Variants in PARVB observed in about 807,000 individuals in gnomAD.
PARVB encodes the protein beta-parvin.
A neutral mutation model predicts 47.0 loss-of-function variants in PARVB; 46 were observed. The observed-to-expected ratio is 0.98, with a 90% CI of 0.77 to 1.25. The LOEUF is 1.25. Ranked by LOEUF, PARVB falls within the 50% of genes most tolerant of loss-of-function variation. PARVB has a pLI of 0.00. For synonymous variants in PARVB, 196 were observed against 196.3 expected, an observed-to-expected ratio of 1.00 and a Z score of 0.01; for missense variants, 473 against 471.6, an observed-to-expected ratio of 1.00 and a Z score of -0.03.
At chr22:44,091,751 T>C (rs544888714) in intron 1 of PARVB, among the ~76,000 whole-genome samples, 140 of 152,358 alleles carry the variant, frequency 9.2e-4, no homozygotes, top group African/African-American at 3.1e-3. Flanking sequence ...ACTCAGTGAC[T>C]GCAGCAGTGC....
chr22:44,028,349 T>C (rs1411623752), intron 1 of PARVB, among the ~76,000 whole-genome samples: 1 of 152,166 alleles, frequency 6.6e-6, no homozygotes, highest in Non-Finnish European at 1.5e-5. Flanking sequence ...TTTTTTTTAC[T>C]GTATCTGTGT....
At chr22:44,038,538 T>C (rs1300314314) in intron 1 of PARVB, among the ~76,000 whole-genome samples, 1 of 152,134 alleles carries the variant, frequency 6.6e-6, no homozygotes, top group African/African-American at 2.4e-5. Flanking sequence ...CCCAGCACTT[T>C]GGAAGGCTGA....
intron 1 of PARVB, among the ~76,000 whole-genome samples, chr22:44,035,640 G>C (rs1447833350): frequency 6.6e-6 from 1 of 151,976 alleles, no homozygotes; most frequent in Non-Finnish European, 1.5e-5. Flanking sequence ...CAAAGTGCTG[G>C]GATTACGGGT....
chr22:44,118,519 T>G (rs1395348666), intron 3 of PARVB, among the ~76,000 whole-genome samples: 1 of 152,054 alleles, frequency 6.6e-6, no homozygotes, highest in Non-Finnish European at 1.5e-5. Flanking sequence ...TGGGTTAGGG[T>G]GGGTTGAGAC....
chr22:44,162,339 T>G (rs1436446902), intron 11 of PARVB, among the ~76,000 whole-genome samples: 1 of 149,816 alleles, frequency 6.7e-6, no homozygotes, highest in Non-Finnish European at 1.5e-5. Flanking sequence ...CTTGTTTTTT[T>G]GAGACAGAGT....
At chr22:44,097,490 A>T (rs1384233771) in intron 2 of PARVB, among the ~76,000 whole-genome samples, 1 of 152,224 alleles carries the variant, frequency 6.6e-6, no homozygotes, top group Admixed American at 6.5e-5. Context: ...GAATGCTGAC[A>T]GGCAGCAAGG....
intron 1 of PARVB, among the ~76,000 whole-genome samples, chr22:44,082,434 G>T (rs545920772): frequency 8.2e-4 from 125 of 152,176 alleles, no homozygotes; most frequent in Non-Finnish European, 1.5e-3. Flanking sequence ...CAGGAGAATC[G>T]CTTGAATCTG....
intron 2 of PARVB, among the ~76,000 whole-genome samples, chr22:44,094,502 T>G (rs1290664949): frequency 1.3e-5 from 2 of 152,068 alleles, no homozygotes; most frequent in Admixed American, 6.6e-5. Context: ...TATGTATATA[T>G]TTTTTGAGAT....
chr22:44,060,646 C>T (rs1265216643), intron 1 of PARVB, among the ~76,000 whole-genome samples: 4 of 151,630 alleles, frequency 2.6e-5, no homozygotes, highest in Non-Finnish European at 5.9e-5. Flanking sequence ...CACCCGGGTT[C>T]TTTGGGCACA....
intron 1 of PARVB, among the ~76,000 whole-genome samples, chr22:44,025,673 G>T (rs773939957): frequency 1.3e-5 from 2 of 152,092 alleles, no homozygotes. Flanking sequence ...AGCTTGTATT[G>T]GTCGGTGTTG....
At chr22:44,162,856 A>C (rs1036029534) in intron 11 of PARVB, 1 of 152,222 alleles carries the variant, frequency 6.6e-6, no homozygotes, top group Non-Finnish European at 1.5e-5. Context: ...CTTCAGGTAC[A>C]TTTGGGGGCT....
At chr22:44,042,141 G>T (rs2051030142) in intron 1 of PARVB, among the ~76,000 whole-genome samples, 1 of 152,146 alleles carries the variant, frequency 6.6e-6, no homozygotes, top group Non-Finnish European at 1.5e-5. Context: ...GAAAATCTAG[G>T]CTGGGCGCGG....
intron 1 of PARVB, among the ~76,000 whole-genome samples, chr22:44,038,711 G>A (rs1456866672): frequency 6.6e-6 from 1 of 152,122 alleles, no homozygotes; most frequent in Non-Finnish European, 1.5e-5. Flanking sequence ...GAACCCAGGA[G>A]GTGGACGTTG....
Position 44,129,399 on chromosome 22 carries a change from C to G in PARVB, c.377-2088C>G, listed in dbSNP as rs112380016. Among the ~76,000 whole-genome samples, 951 of 152,288 alleles carry G rather than the reference C, an allele frequency of 6.2e-3. 15 individuals are homozygous for G. Among genetic ancestry groups the G allele is most frequent in the African/African-American group, 0.022 (901 of 41,572 alleles). ...CAGCCCAGACAAACGAATCCAGTGT[C>G]CTCCGCTCCTCTGCCGACTCCTCTT... On this transcript the variant is annotated intron_variant, in intron 4 of 12. Coordinates refer to ENST00000338758, the MANE Select transcript of PARVB (RefSeq NM_013327.5).
At chr22:44,116,839 G>A (rs1401934438) in intron 3 of PARVB, among the ~76,000 whole-genome samples, 1 of 152,168 alleles carries the variant, frequency 6.6e-6, no homozygotes, top group African/African-American at 2.4e-5. Flanking sequence ...GTTAGGGGAA[G>A]TGGCGTGTGC....
chr22:44,092,409 TG>T (rs2147040789), intron 1 of PARVB, among the ~76,000 whole-genome samples: 1 of 152,270 alleles, frequency 6.6e-6, no homozygotes, highest in South Asian at 2.1e-4. Context: ...GCACCCGACC[TG>T]GGTTATTTCT....
upstream of PARVB, among the ~76,000 whole-genome samples, chr22:44,021,759 TCACACACACACACACACACACA>T (rs3223605): frequency 2.1e-3 from 217 of 102,786 alleles, 1 homozygote; most frequent in East Asian, 6.2e-3. Flanking sequence ...AAGTCTAGAC[TCACACACACACACACACACACA>T]CACACACACA....
intron 7 of PARVB, among the ~76,000 whole-genome samples, chr22:44,138,171 G>A (rs1451858101): frequency 6.6e-6 from 1 of 152,240 alleles, no homozygotes; most frequent in African/African-American, 2.4e-5. Flanking sequence ...GGTGGGCTGA[G>A]TGCAGTTCTT....
chr22:44,077,388 C>T (rs981510847), intron 1 of PARVB, among the ~76,000 whole-genome samples: 6 of 152,134 alleles, frequency 3.9e-5, no homozygotes, highest in Non-Finnish European at 8.8e-5. Flanking sequence ...TAGGGCCCAC[C>T]CTAATGACCG....
Sources: gnomAD v4.1 joint callset for allele counts (sites outside exome capture counted in the v4.1 genomes callset) on GRCh38, gnomAD v4.1.1 for gene constraint, MANE v1.5 for transcripts, NCBI Gene and HGNC (gene_info 2026-07-23, HGNC 2026-07-21) for gene names.